The following DNAH6 variants were observed in gnomAD, a reference collection of about 807,000 sequenced individuals.
DNAH6 encodes the protein axonemal beta dynein heavy chain 6.
Under a neutral mutation model 491.4 loss-of-function variants are expected in DNAH6, and 340 were observed. The ratio of observed to expected loss-of-function variants is 0.69; its 90% CI spans 0.63 to 0.76. The LOEUF is 0.76. DNAH6 is among the 30% of genes least tolerant of loss of function. DNAH6 has a pLI of 0.00. For missense variants in DNAH6, 4,443 were observed against 4,972.2 expected (o/e 0.89, Z 3.20); for synonymous variants, 1,603 against 1,686.1 (o/e 0.95, Z 1.21).
At chr2:84,747,482 C>T (rs930203348) in intron 63 of DNAH6, among the ~76,000 whole-genome samples, 18 of 152,186 alleles carry the variant, frequency 1.2e-4, no homozygotes, top group Admixed American at 1.0e-3. Context: ...CTGAGCATAC[C>T]GGTGCAAAGT....
chr2:84,781,434 A>G, intron 64 of DNAH6, 59 bp from the exon 65 acceptor site: 1 of 1,389,690 alleles, frequency 7.2e-7, no homozygotes, highest in Non-Finnish European at 9.7e-7. Context: ...ATATTTCTTC[A>G]TATTGATTTT....
At chr2:84,639,398 T>C (rs1222050631) in intron 31 of DNAH6, among the ~76,000 whole-genome samples, 1 of 150,606 alleles carries the variant, frequency 6.6e-6, no homozygotes, top group African/African-American at 2.5e-5. Context: ...TTTAAATGAA[T>C]TAGATTCTGT....
chr2:84,519,379 C>A (rs889160152), intron 2 of DNAH6, among the ~76,000 whole-genome samples: 3 of 151,992 alleles, frequency 2.0e-5, no homozygotes, highest in African/African-American at 7.2e-5. Flanking sequence ...ATAAATAATA[C>A]ATGAATAAAA....
Position 84,727,912 on chromosome 2 carries a change from T to G in DNAH6, c.10206+10T>G. On this transcript the variant is annotated intron_variant, in intron 61 of 76. Coordinates refer to ENST00000389394, the MANE Select transcript of DNAH6 (RefSeq NM_001370.2). ...TGCAGGATTGGAAAAGGTACCTGAT[T>G]CCCATTTAGGTGATGATTGATATGG... 1 of 1,503,374 alleles carries G rather than the reference T, an allele frequency of 6.7e-7. No individual in the cohort carries two copies. The highest frequency in any genetic ancestry group is 9.1e-7 in the Non-Finnish European group (1 of 1,102,944). The allele number at this position is 1,503,374 out of a possible 1,614,324, so 93.1% of individuals were successfully genotyped here.
chr2:84,659,318 C>T (rs1251576468), intron 37 of DNAH6, 149 bp downstream of exon 37: 6 of 465,530 alleles, frequency 1.3e-5, no homozygotes, highest in African/African-American at 4.1e-5. Flanking sequence ...CAACCATAGA[C>T]AACATTTATC....
intron 70 of DNAH6, 121 bp downstream of exon 70, chr2:84,797,779 G>T (rs1678491338): frequency 1.1e-6 from 1 of 920,954 alleles, no homozygotes; most frequent in African/African-American, 1.7e-5. Flanking sequence ...TAAAATAATT[G>T]TTTCACCTTG....
chr2:84,603,740 T>C (rs955636594), intron 18 of DNAH6, among the ~76,000 whole-genome samples: 3 of 152,202 alleles, frequency 2.0e-5, no homozygotes, highest in African/African-American at 4.8e-5. Context: ...AAGAGATATC[T>C]TCAATGAGTT....
At chr2:84,496,491 T>C in the DNAH6 span, among the ~76,000 whole-genome samples, 2 of 152,208 alleles carry the variant, frequency 1.3e-5, no homozygotes. Flanking sequence ...AATATTTTCA[T>C]CTTTATATTT....
At chr2:84,635,600 G>C (rs1688809864) in intron 30 of DNAH6, among the ~76,000 whole-genome samples, 1 of 152,164 alleles carries the variant, frequency 6.6e-6, no homozygotes. Flanking sequence ...AAGGGGACAG[G>C]GACCAGAGAG....
At chr2:84,563,088 A>G (rs899710768) in intron 11 of DNAH6, among the ~76,000 whole-genome samples, 8 of 152,106 alleles carry the variant, frequency 5.3e-5, no homozygotes, top group Admixed American at 3.3e-4. Context: ...GCCACTTAAG[A>G]CGCAGCTTTG....
Position 84,720,404 on chromosome 2 carries a change from A to G in DNAH6, c.9792+2020A>G, listed in dbSNP as rs890574213. 1.1e-3 allele frequency among the ~76,000 whole-genome samples: 165 copies of G among 145,670 alleles called. 1 individual carries two copies. Among genetic ancestry groups the G allele is most frequent in the East Asian group, 0.011 (55 of 4,938 alleles). ...CGCCATTCTCCTGCCTCAGCCTCCC[A>G]AGTAGCTGGGACTACAGGCGCCCGC... is the stretch of plus-strand genomic sequence containing the variant. On this transcript the variant is annotated intron_variant, in intron 59 of 76. Coordinates refer to ENST00000389394, the MANE Select transcript of DNAH6 (RefSeq NM_001370.2).
At chr2:84,637,420 C>A (rs1252619650) in intron 31 of DNAH6, 43 bp downstream of exon 31, 4 of 1,472,012 alleles carry the variant, frequency 2.7e-6, no homozygotes, top group East Asian at 2.5e-5. Flanking sequence ...AAACTTCTTT[C>A]TTTTATTTAC....
intron 18 of DNAH6, among the ~76,000 whole-genome samples, chr2:84,603,863 G>A (rs1685502521): frequency 6.6e-6 from 1 of 152,152 alleles, no homozygotes; most frequent in African/African-American, 2.4e-5. Flanking sequence ...TATAATGGAC[G>A]CTGTTTCCCT....
At chr2:84,609,670 T>TATAAGA in intron 21 of DNAH6, among the ~76,000 whole-genome samples, 1 of 150,472 alleles carries the variant, frequency 6.6e-6, no homozygotes, top group East Asian at 1.9e-4. Flanking sequence ...CCATAACAGA[T>TATAAGA]ATAATAATAA....
intron 4 of DNAH6, among the ~76,000 whole-genome samples, chr2:84,541,670 C>G (rs1678259724): frequency 6.6e-6 from 1 of 152,190 alleles, no homozygotes; most frequent in African/African-American, 2.4e-5. Flanking sequence ...GGTGAAACCT[C>G]TCCATCTCCA....
At chr2:84,759,207 C>CAA (rs752611284) in intron 63 of DNAH6, among the ~76,000 whole-genome samples, 1 of 140,032 alleles carries the variant, frequency 7.1e-6, no homozygotes, top group African/African-American at 2.6e-5. Flanking sequence ...TAATAGCTAC[C>CAA]AAAAAAAAAA....
intron 2 of DNAH6, among the ~76,000 whole-genome samples, chr2:84,521,547 A>G (rs185075368): frequency 6.6e-6 from 1 of 152,070 alleles, no homozygotes; most frequent in Admixed American, 6.6e-5. Context: ...AATCTTTGCC[A>G]ATTCCTACGT....
At chr2:84,788,769 C>T (rs932151274) in intron 68 of DNAH6, among the ~76,000 whole-genome samples, 1 of 152,172 alleles carries the variant, frequency 6.6e-6, no homozygotes, top group East Asian at 1.9e-4. Flanking sequence ...TCAGAAGAGT[C>T]TCAGAGCTGT....
chr2:84,509,862 G>C, the DNAH6 span, among the ~76,000 whole-genome samples: 1 of 152,166 alleles, frequency 6.6e-6, no homozygotes, highest in Non-Finnish European at 1.5e-5. Context: ...ATGAAATTCT[G>C]GGTTGAAAAT....
Sources: gnomAD v4.1 joint callset for allele counts (sites outside exome capture counted in the v4.1 genomes callset) on GRCh38, gnomAD v4.1.1 for gene constraint, MANE v1.5 for transcripts, NCBI Gene and HGNC (gene_info 2026-07-23, HGNC 2026-07-21) for gene names.